GPRIN3: variants seen among roughly 807,000 people sequenced by gnomAD.
GPRIN3 encodes G protein-regulated inducer of neurite outgrowth 3.
Under a neutral mutation model 13.7 loss-of-function variants are expected in GPRIN3, and 12 were observed. The observed-to-expected ratio is 0.87, with a 90% confidence interval of 0.56 to 1.42. The LOEUF (loss-of-function observed/expected upper bound fraction) is 1.42. GPRIN3 is among the 40% of genes most tolerant of loss of function. The pLI, the probability that GPRIN3 is intolerant of heterozygous loss-of-function variation, is 0.00. For synonymous variants in GPRIN3, 377 were observed against 372.7 expected, an observed-to-expected ratio of 1.01 and a Z score of -0.13; for missense variants, 1,009 against 958.7, an observed-to-expected ratio of 1.05 and a Z score of -0.69.
chr4:89,297,055 T>A (rs187448606), intron 1 of GPRIN3, among the ~76,000 whole-genome samples: 10 of 152,338 alleles, frequency 6.6e-5, no homozygotes, highest in South Asian at 2.1e-4. Flanking sequence ...TCATGGCCTT[T>A]GACATTGAAC....
chr4:89,248,793 A>T lies in GPRIN3; in HGVS notation c.1318T>A (p.Leu440Ile). ...AQHTCKEDGR[L>I]AGMTPVREES... is the part of the protein sequence containing the mutation. ...TCCCTCACTGGAGTCATTCCTGCTA[A>T]CCTCCCATCTTCTTTACACGTATGC... Residue 440 changes from leucine (L) to isoleucine (I), a missense_variant, in exon 2 of 2, where the codon TTA becomes ATA. Leu to Ile is a conservative substitution (Grantham distance 5, BLOSUM62 2). Transcript: ENST00000609438. 1 of 1,613,778 alleles carries T rather than the reference A, an allele frequency of 6.2e-7. No homozygotes were observed. Among genetic ancestry groups the T allele is most frequent in the Non-Finnish European group, 8.5e-7 (1 of 1,179,932 alleles).
intron 1 of GPRIN3, among the ~76,000 whole-genome samples, chr4:89,258,563 A>C (rs1190248862): frequency 6.6e-6 from 1 of 152,132 alleles, no homozygotes; most frequent in Non-Finnish European, 1.5e-5. Context: ...AAAATCATGG[A>C]AAAATGTGAT....
chr4:89,248,897 T>C lies in GPRIN3; in HGVS notation c.1214A>G (p.Gln405Arg), dbSNP rs1723209053. The change falls in exon 2 of 2, where the codon CAA becomes CGA. Residue 405 changes from glutamine (Q) to arginine (R), a missense_variant. Physicochemically the swap from Gln to Arg is conservative, Grantham distance 43. Transcript: ENST00000609438. ...QAAAAESTAF[Q>R]RENKLASLPG... ...TAGGCTCGCAAGTTTATTTTCCCGT[T>C]GGAAAGCTGTAGACTCAGCTGCAGC... 1 of 1,614,184 alleles carries C rather than the reference T, an allele frequency of 6.2e-7. No individual in the cohort carries two copies. Among genetic ancestry groups the C allele is most frequent in the Non-Finnish European group, 8.5e-7 (1 of 1,180,010 alleles).
intron 1 of GPRIN3, among the ~76,000 whole-genome samples, chr4:89,300,160 A>G (rs1273688825): frequency 2.0e-5 from 3 of 152,236 alleles, no homozygotes; most frequent in East Asian, 1.9e-4. Flanking sequence ...ATTTGGCGCC[A>G]TCACCTTTCT....
At chr4:89,296,415 A>G (rs1348820735) in intron 1 of GPRIN3, among the ~76,000 whole-genome samples, 1 of 152,216 alleles carries the variant, frequency 6.6e-6, no homozygotes, top group African/African-American at 2.4e-5. Context: ...TACAGTTTTA[A>G]GAAGGAATTT....
chr4:89,260,911 G>C (rs967211330), intron 1 of GPRIN3, among the ~76,000 whole-genome samples: 2 of 152,118 alleles, frequency 1.3e-5, no homozygotes, highest in African/African-American at 4.8e-5. Context: ...TTTTGTGCCA[G>C]ATATTCAGTA....
Position 89,248,293 on chromosome 4 carries a change from G to A in GPRIN3, c.1818C>T (p.Ser606=). 6.2e-7 allele frequency: 1 copy of A among 1,614,158 alleles called. No homozygotes were observed. The highest frequency in any genetic ancestry group is 8.5e-7 in the Non-Finnish European group (1 of 1,180,028). ...NRQTKTATSL[S]LPSDPMGDSS... ...AGTCACCCATGGGATCAGATGGCAG[G>A]CTCAGGCTGGTGGCTGTCTTGGTCT... The change falls in exon 2 of 2, where the codon AGC becomes AGT. Residue 606 remains serine (S), a synonymous_variant. Coordinates refer to ENST00000609438, the MANE Select transcript of GPRIN3 (RefSeq NM_198281.3).
intron 1 of GPRIN3, among the ~76,000 whole-genome samples, chr4:89,283,123 A>C (rs1259794425): frequency 6.6e-6 from 1 of 152,224 alleles, no homozygotes. Context: ...TATGAGAGGA[A>C]GTAAAGACAG....
In GPRIN3 at chr4:89,237,517, GA is replaced by G. The variant is rs1722816703; in HGVS notation, c.*10262del. Reference sequence around the variant, plus strand: ...CCCTTTTGAAAGTGGCCCGGGAGGGGACACTTCATCCCTTTTACTGTGTGAG... The same window carrying G: ...CCCTTTTGAAAGTGGCCCGGGAGGGGCACTTCATCCCTTTTACTGTGTGAG... On this transcript the variant is annotated 3_prime_UTR_variant, in exon 2 of 2. Transcript: ENST00000609438. 4 of 152,100 alleles carry G rather than the reference GA, an allele frequency of 2.6e-5. No individual in the cohort carries two copies. Among genetic ancestry groups the G allele is most frequent in the South Asian group, 4.1e-4 (2 of 4,822 alleles). 9.4% of individuals were successfully genotyped at this position (152,100 alleles called of 1,614,324 possible).
intron 1 of GPRIN3, among the ~76,000 whole-genome samples, chr4:89,277,153 A>G (rs538271721): frequency 8.5e-5 from 13 of 152,166 alleles, no homozygotes; most frequent in African/African-American, 2.4e-4. Flanking sequence ...TCTATTTTCT[A>G]TTGTAGTGGC....
chr4:89,253,531 C>A (rs1296225617), intron 1 of GPRIN3, among the ~76,000 whole-genome samples: 5 of 152,080 alleles, frequency 3.3e-5, no homozygotes, highest in African/African-American at 1.2e-4. Context: ...GTTAATTCGC[C>A]AAAGAGGACT....
At chr4:89,285,646 C>T (rs1724385503) in intron 1 of GPRIN3, among the ~76,000 whole-genome samples, 1 of 152,302 alleles carries the variant, frequency 6.6e-6, no homozygotes, top group African/African-American at 2.4e-5. Flanking sequence ...TGTTCTGTCA[C>T]CCAATTCACT....
At chr4:89,251,322 G>A (rs1723318893) in intron 1 of GPRIN3, 2 of 152,082 alleles carry the variant, frequency 1.3e-5, no homozygotes, top group East Asian at 1.9e-4. Context: ...TAATAGTAAG[G>A]TCTAGGGAGA....
chr4:89,286,590 AT>A lies in GPRIN3; in HGVS notation c.-124+21024del, dbSNP rs376443587. On this transcript the variant is annotated intron_variant, in intron 1 of 1. Coordinates refer to ENST00000609438, the MANE Select transcript of GPRIN3 (RefSeq NM_198281.3). Reference sequence around the variant, plus strand: ...TTTTTAGAATGTGACTCCCAATTCAATTTTTTTTGTTTCTTACGTACATATC... The same window carrying A: ...TTTTTAGAATGTGACTCCCAATTCAATTTTTTTGTTTCTTACGTACATATC... Among the ~76,000 whole-genome samples, 4 of 151,834 alleles carry A rather than the reference AT, an allele frequency of 2.6e-5. No individual in the cohort carries two copies. In the East Asian group the frequency reaches 7.7e-4, roughly 29 times the overall value.
chr4:89,297,034 A>G (rs759526979), intron 1 of GPRIN3, among the ~76,000 whole-genome samples: 3 of 152,220 alleles, frequency 2.0e-5, no homozygotes, highest in Non-Finnish European at 4.4e-5. Flanking sequence ...AGTGTAGCAT[A>G]GTGGTGAAGC....
chr4:89,277,589 C>T (rs1724130162), intron 1 of GPRIN3, among the ~76,000 whole-genome samples: 1 of 152,232 alleles, frequency 6.6e-6, no homozygotes, highest in Non-Finnish European at 1.5e-5. Context: ...TGCTGAGTCA[C>T]CTGATGTGGA....
rs758148879 is a variant in GPRIN3 at position 89,249,428 on chromosome 4, C to G, written c.683G>C (p.Cys228Ser). ...TTTACAGGACCTCATTTCAGAGTCA[C>G]AGATGGCTCCCTGCCTTTCCCCTTC... is the stretch of plus-strand genomic sequence containing the variant. Reference protein sequence around the residue: ...GPEGERQGAICDSEMRSCKPL... With the variant: ...GPEGERQGAISDSEMRSCKPL... The change falls in exon 2 of 2, where the codon TGT becomes TCT. Residue 228 changes from cysteine (C) to serine (S), a missense_variant. Transcript: ENST00000609438. 5 of 1,614,134 alleles carry G rather than the reference C, an allele frequency of 3.1e-6. No individual in the cohort carries two copies. The highest frequency in any genetic ancestry group is 1.3e-5 in the African/African-American group (1 of 75,032).
chr4:89,301,317 C>T (rs1724890203), intron 1 of GPRIN3, among the ~76,000 whole-genome samples: 1 of 152,114 alleles, frequency 6.6e-6, no homozygotes. Flanking sequence ...AAAGGAAGAA[C>T]TACAAGAAAA....
intron 1 of GPRIN3, among the ~76,000 whole-genome samples, chr4:89,303,236 C>T (rs56212025): frequency 0.026 from 3,991 of 152,302 alleles, 77 homozygotes; most frequent in Admixed American, 0.048. Context: ...CAGATGCTGC[C>T]GTTCCTTTAG....
Sources: allele counts gnomAD v4.1 joint callset (sites outside exome capture counted in the v4.1 genomes callset), GRCh38; gene constraint gnomAD v4.1.1; transcripts MANE v1.5; gene names NCBI Gene and HGNC (gene_info 2026-07-23, HGNC 2026-07-21).